Variants in PCDH15 observed in about 807,000 individuals in gnomAD.
The protein encoded by PCDH15 is protocadherin-15.
Under a neutral mutation model 178.5 loss-of-function variants are expected in PCDH15, and 129 were observed. The observed-to-expected ratio is 0.72, with a 90% CI of 0.63 to 0.84. The LOEUF is 0.84. PCDH15 is among the 40% of genes least tolerant of loss of function. The probability of loss-of-function intolerance (pLI) is 0.00; values close to 1 mark genes in which losing one functional copy is unlikely to be tolerated. For synonymous variants in PCDH15, 800 were observed against 732.0 expected, an observed-to-expected ratio of 1.09 and a Z score of -1.50; for missense variants, 2,230 against 2,099.9, an observed-to-expected ratio of 1.06 and a Z score of -1.21.
intron 2 of PCDH15, among the ~76,000 whole-genome samples, chr10:55,127,007 C>G (rs1024780760): frequency 2.6e-5 from 4 of 152,040 alleles, no homozygotes; most frequent in African/African-American, 7.2e-5. Context: ...GGTGTCCCCC[C>G]ACCCCACACA....
chr10:55,175,750 G>A (rs1839468159), intron 1 of PCDH15, among the ~76,000 whole-genome samples: 1 of 151,628 alleles, frequency 6.6e-6, no homozygotes, highest in Non-Finnish European at 1.5e-5. Context: ...AGCCACCTCA[G>A]TCTTTTATAA....
chr10:54,033,559 A>G (rs2093350887), intron 18 of PCDH15, among the ~76,000 whole-genome samples: 1 of 151,928 alleles, frequency 6.6e-6, no homozygotes, highest in Non-Finnish European at 1.5e-5. Context: ...ATGTCTGTCC[A>G]TATTACTATA....
At chr10:54,009,801 C>T (rs1042014692) in intron 20 of PCDH15, among the ~76,000 whole-genome samples, 1 of 152,090 alleles carries the variant, frequency 6.6e-6, no homozygotes, top group Non-Finnish European at 1.5e-5. Flanking sequence ...CTCAGGAGAT[C>T]TCCCCCATGA....
chr10:53,916,563 T>A (rs1317448871), intron 25 of PCDH15, among the ~76,000 whole-genome samples: 2 of 152,206 alleles, frequency 1.3e-5, no homozygotes, highest in South Asian at 2.1e-4. Flanking sequence ...AAATCATTTT[T>A]ATTTATTAAA....
chr10:54,444,917 T>C (rs9416358), intron 3 of PCDH15, among the ~76,000 whole-genome samples: 79,217 of 151,216 alleles, frequency 0.52, 21,899 homozygotes, highest in Middle Eastern at 0.68. Flanking sequence ...TTTCTTATAT[T>C]GCATTACACA....
chr10:54,287,891 G>A (rs991992302), intron 8 of PCDH15, among the ~76,000 whole-genome samples: 2 of 152,106 alleles, frequency 1.3e-5, no homozygotes, highest in Admixed American at 1.3e-4. Context: ...GGTTAGAGAT[G>A]GACTCTGGAC....
chr10:54,302,926 C>T (rs1378035991), intron 8 of PCDH15, among the ~76,000 whole-genome samples: 1 of 152,092 alleles, frequency 6.6e-6, no homozygotes, highest in Admixed American at 6.6e-5. Flanking sequence ...TTCATGTACC[C>T]CATAAATATA....
At chr10:54,461,086 T>A (rs1005356885) in intron 3 of PCDH15, among the ~76,000 whole-genome samples, 1 of 152,060 alleles carries the variant, frequency 6.6e-6, no homozygotes, top group Non-Finnish European at 1.5e-5. Flanking sequence ...GACAGCATAT[T>A]AGCCAATGGT....
intron 2 of PCDH15, among the ~76,000 whole-genome samples, chr10:55,465,795 A>G (rs989952035): frequency 1.3e-5 from 2 of 152,198 alleles, no homozygotes; most frequent in Admixed American, 1.3e-4. Context: ...AATATAGAGA[A>G]CAGTTTGTCA....
At chr10:54,843,194 C>G (rs943450784) in intron 3 of PCDH15, among the ~76,000 whole-genome samples, 5 of 151,834 alleles carry the variant, frequency 3.3e-5, no homozygotes, top group South Asian at 2.1e-4. Flanking sequence ...GCTTCATGAA[C>G]TTTAGGGAGA....
chr10:55,516,598 T>A (rs1012939820), intron 2 of PCDH15, among the ~76,000 whole-genome samples: 16 of 152,132 alleles, frequency 1.1e-4, no homozygotes, highest in Non-Finnish European at 1.8e-4. Flanking sequence ...CCTGCTAGCT[T>A]CACAGCATCT....
chr10:54,156,756 A>G (rs1590842148), intron 13 of PCDH15, among the ~76,000 whole-genome samples: 1 of 152,132 alleles, frequency 6.6e-6, no homozygotes, highest in Admixed American at 6.6e-5. Flanking sequence ...AGTCCCTTCC[A>G]CCTACGAGCC....
chr10:55,426,321 G>A (rs764366201), intron 2 of PCDH15, among the ~76,000 whole-genome samples: 2 of 152,134 alleles, frequency 1.3e-5, no homozygotes, highest in Non-Finnish European at 2.9e-5. Context: ...GTGAACAGGA[G>A]TACACCAGCG....
intron 2 of PCDH15, among the ~76,000 whole-genome samples, chr10:54,970,751 A>G (rs1404962617): frequency 1.3e-5 from 2 of 152,100 alleles, no homozygotes. Flanking sequence ...TACCTTTGCT[A>G]CCTGCCTGTT....
chr10:55,032,315 C>T (rs1233174303), intron 2 of PCDH15, among the ~76,000 whole-genome samples: 4 of 152,250 alleles, frequency 2.6e-5, no homozygotes, highest in Admixed American at 6.5e-5. Context: ...TTAAGAATGA[C>T]TAATCAGGAT....
chr10:55,512,933 T>C (rs1305973530), intron 2 of PCDH15: 1 of 152,138 alleles, frequency 6.6e-6, no homozygotes, highest in Non-Finnish European at 1.5e-5. Context: ...AGGATTTTCC[T>C]AAATCTTTAA....
At chr10:55,131,690 G>A (rs1838049187) in intron 2 of PCDH15, among the ~76,000 whole-genome samples, 1 of 139,940 alleles carries the variant, frequency 7.1e-6, no homozygotes, top group African/African-American at 2.6e-5. Context: ...GCAGCTCTCA[G>A]TGGAGAGGAG....
intron 2 of PCDH15, among the ~76,000 whole-genome samples, chr10:54,941,260 T>C (rs529850811): frequency 6.6e-6 from 1 of 152,198 alleles, no homozygotes; most frequent in South Asian, 2.1e-4. Context: ...TCCAGTGAGA[T>C]ACAGAAACAT....
At chr10:54,140,603 G>A (rs2043312368) in intron 14 of PCDH15, among the ~76,000 whole-genome samples, 1 of 151,962 alleles carries the variant, frequency 6.6e-6, no homozygotes, top group Non-Finnish European at 1.5e-5. Flanking sequence ...GTCCTCAGCT[G>A]GGACTACAGG....
Sources: gnomAD v4.1 joint callset for allele counts (sites outside exome capture counted in the v4.1 genomes callset) on GRCh38, gnomAD v4.1.1 for gene constraint, MANE v1.5 for transcripts, NCBI Gene and HGNC (gene_info 2026-07-23, HGNC 2026-07-21) for gene names.